OLFM3: variants seen among roughly 807,000 people sequenced by gnomAD.
OLFM3 encodes olfactomedin 3, also known as noelin-3.
A neutral mutation model predicts 48.6 loss-of-function variants in OLFM3; 20 were observed. The observed-to-expected ratio is 0.41, with a 90% CI of 0.29 to 0.60. OLFM3 has a LOEUF of 0.60. Among genes scored for constraint, OLFM3 ranks in the 20% least tolerant of loss-of-function variants. The pLI, the probability that OLFM3 is intolerant of heterozygous loss-of-function variation, is 0.28. For missense variants in OLFM3, 437 were observed against 544.3 expected, an observed-to-expected ratio of 0.80 and a Z score of 1.96; for synonymous variants, 222 against 198.1, an observed-to-expected ratio of 1.12 and a Z score of -1.01.
intron 4 of OLFM3, among the ~76,000 whole-genome samples, chr1:101,807,761 T>C (rs1360244697): frequency 6.6e-6 from 1 of 151,804 alleles, no homozygotes; most frequent in East Asian, 1.9e-4. Flanking sequence ...ATTATATCCA[T>C]AGTGTGGGTT....
Position 101,835,682 on chromosome 1 carries a change from GC to G in OLFM3, c.216+1196del, listed in dbSNP as rs1655366891. ...ATTATTCTGAATGAAAATGACATAT[GC>G]TCTTGTTGGATGACAGATATTGAGG... On this transcript the variant is annotated intron_variant, in intron 2 of 5. Transcript: ENST00000370103. Among the ~76,000 whole-genome samples the G allele has an allele frequency of 2.6e-5, 4 of 152,272 alleles. No homozygotes were observed. In the South Asian group the frequency reaches 8.3e-4, roughly 32 times the overall value.
chr1:101,825,666 C>T (rs1654827718), intron 3 of OLFM3, among the ~76,000 whole-genome samples: 1 of 152,120 alleles, frequency 6.6e-6, no homozygotes, highest in South Asian at 2.1e-4. Flanking sequence ...GGTCAATACC[C>T]TATGATTGTT....
Position 101,950,502 on chromosome 1 carries a change from C to G in OLFM3, c.69+46246G>C, listed in dbSNP as rs560954064. Among the ~76,000 whole-genome samples the G allele has an allele frequency of 3.9e-3, 594 of 151,292 alleles. 4 individuals are homozygous for G. Among genetic ancestry groups the G allele is most frequent in the African/African-American group, 0.014 (564 of 41,252 alleles). On this transcript the variant is annotated intron_variant, in intron 1 of 5. Transcript: ENST00000370103. ...CGCCCAGGCTGGAGTGCAGTGGCGC[C>G]ATCTCGGCTCACTGCAAGCTCCGCC... is the stretch of plus-strand genomic sequence containing the variant.
chr1:101,898,787 T>A, intron 1 of OLFM3, among the ~76,000 whole-genome samples: 1 of 152,092 alleles, frequency 6.6e-6, no homozygotes, highest in East Asian at 1.9e-4. Flanking sequence ...AGGCAGAGGC[T>A]GCAGTGAGCC....
intron 1 of OLFM3, among the ~76,000 whole-genome samples, chr1:101,862,682 C>T (rs1233848581): frequency 6.6e-6 from 1 of 152,162 alleles, no homozygotes. Flanking sequence ...CTGATCCCAC[C>T]TCACCAGAAA....
At position 101,821,507 on chromosome 1, in the gene OLFM3, G is replaced by A. The variant is rs184579106; in HGVS notation, c.592+3519C>T. ...AATGACTGTATGGCTCTGCCTGGAC[G>A]TTTTCTACATTGTAATTAAGGGTTG... is the stretch of plus-strand genomic sequence containing the variant. On this transcript the variant is annotated intron_variant, in intron 4 of 5. Transcript: ENST00000370103. Among the ~76,000 whole-genome samples the A allele has an allele frequency of 4.0e-4, 61 of 152,010 alleles. No individual in the cohort carries two copies. The East Asian group carries it at 0.01, about 25-fold the overall frequency.
At chr1:101,950,583 C>T (rs1284169114) in intron 1 of OLFM3, among the ~76,000 whole-genome samples, 2 of 151,824 alleles carry the variant, frequency 1.3e-5, no homozygotes, top group Non-Finnish European at 2.9e-5. Context: ...GGACTACAAG[C>T]GCCTGCCACC....
chr1:101,995,395 A>G (rs1409825752), intron 1 of OLFM3, among the ~76,000 whole-genome samples: 1 of 152,278 alleles, frequency 6.6e-6, no homozygotes. Flanking sequence ...TAAGTGTAAA[A>G]TGCTTTAAAG....
chr1:101,804,268 GA>G lies in OLFM3; in HGVS notation c.1346del (p.Phe449SerfsTer14). The G allele has an allele frequency of 6.2e-7, 1 of 1,604,458 alleles. No individual in the cohort carries two copies. On this transcript the variant is annotated frameshift_variant, in exon 6 of 6. Coordinates refer to ENST00000370103, the MANE Select transcript of OLFM3 (RefSeq NM_058170.4). LOFTEE classifies it high-confidence loss of function. The surrounding 1 kb of genome is among the most constrained non-coding windows in gnomAD (Gnocchi z 4.5). ...TGTCATCCTCTGTCTTGATGATATG[GA>G]AAAGGGTGACATTGAACAGCACCTG... Reference protein sequence around the residue: ...GHQVLFNVTLFHIIKTEDDT With the variant: ...GHQVLFNVTLXHIIKTEDDT
chr1:101,898,901 T>A (rs1658296443), intron 1 of OLFM3, among the ~76,000 whole-genome samples: 1 of 152,062 alleles, frequency 6.6e-6, no homozygotes, highest in Non-Finnish European at 1.5e-5. Flanking sequence ...CAGTACAAAA[T>A]CTTGAACATG....
chr1:101,904,376 T>C (rs1658488300), intron 1 of OLFM3, among the ~76,000 whole-genome samples: 1 of 152,032 alleles, frequency 6.6e-6, no homozygotes, highest in South Asian at 2.1e-4. Flanking sequence ...ATTTGTAACA[T>C]TTAGTAGGGT....
intron 1 of OLFM3, among the ~76,000 whole-genome samples, chr1:101,925,217 G>A (rs1659233184): frequency 6.6e-6 from 1 of 151,728 alleles, no homozygotes; most frequent in South Asian, 2.1e-4. Context: ...TTAGATAGAT[G>A]GAAGGCAGTC....
chr1:101,811,202 A>G (rs1473601469), intron 4 of OLFM3, among the ~76,000 whole-genome samples: 1 of 152,082 alleles, frequency 6.6e-6, no homozygotes, highest in African/African-American at 2.4e-5. Context: ...CTTTATACTC[A>G]GAGGAAATTA....
intron 1 of OLFM3, among the ~76,000 whole-genome samples, chr1:101,939,367 T>C (rs1007113273): frequency 2.0e-5 from 3 of 152,210 alleles, no homozygotes; most frequent in Non-Finnish European, 2.9e-5. Context: ...AATTCATGTG[T>C]TCATCCAACA....
In OLFM3 at chr1:101,808,866, C is replaced by T. The variant is rs556400503; in HGVS notation, c.593-2684G>A. 2.0e-4 allele frequency among the ~76,000 whole-genome samples: 31 copies of T among 151,762 alleles called. No homozygotes were observed. In the South Asian group the frequency reaches 4.4e-3, roughly 21 times the overall value. On this transcript the variant is annotated intron_variant, in intron 4 of 5. Coordinates refer to ENST00000370103, the MANE Select transcript of OLFM3 (RefSeq NM_058170.4). ...TAAATGTTCAGAAAAACCAGGGCTC[C>T]CCACAGAAGAGATAACTCAGAGGAT...
At chr1:101,878,416 T>C (rs6673344) in intron 1 of OLFM3, among the ~76,000 whole-genome samples, 1,906 of 152,002 alleles carry the variant, frequency 0.013, 44 homozygotes, top group African/African-American at 0.044. Flanking sequence ...TAGGCATTCA[T>C]ATATGTTGGG....
chr1:101,894,040 A>G (rs1658102607), intron 1 of OLFM3: 1 of 154,002 alleles, frequency 6.5e-6, no homozygotes, highest in South Asian at 2.0e-4. Context: ...TCAGTGTCAA[A>G]CATCTTAATG....
intron 1 of OLFM3, chr1:101,893,316 A>G: frequency 2.7e-6 from 1 of 374,754 alleles, no homozygotes; most frequent in South Asian, 2.6e-5. Flanking sequence ...ATAAGAATTC[A>G]TCAGATAGAA....
intron 4 of OLFM3, among the ~76,000 whole-genome samples, chr1:101,824,524 C>A (rs1426788283): frequency 6.6e-6 from 1 of 152,042 alleles, no homozygotes; most frequent in Non-Finnish European, 1.5e-5. Context: ...TAGATCAGAG[C>A]AGTTGATGGC....
Sources: gnomAD v4.1 joint callset for allele counts (sites outside exome capture counted in the v4.1 genomes callset) on GRCh38, gnomAD v4.1.1 for gene constraint, Gnocchi (gnomAD v3.1) non-coding constraint, MANE v1.5 for transcripts, NCBI Gene and HGNC (gene_info 2026-07-23, HGNC 2026-07-21) for gene names.